The following SPAG16 variants were observed in gnomAD, a reference collection of about 807,000 sequenced individuals.
SPAG16 encodes the protein sperm associated antigen 16.
A neutral mutation model predicts 80.4 loss-of-function variants in SPAG16; 86 were observed. That is an observed-to-expected ratio of 1.07 (90% CI 0.90 to 1.28). The LOEUF (loss-of-function observed/expected upper bound fraction) is 1.28, where lower values mean the gene tolerates loss of function less well. Among genes scored for constraint, SPAG16 ranks in the 50% most tolerant of loss-of-function variants. The pLI, the probability that SPAG16 is intolerant of heterozygous loss-of-function variation, is 0.00. For missense variants in SPAG16, 870 were observed against 765.3 expected (o/e 1.14, Z -1.61); for synonymous variants, 294 against 265.9 (o/e 1.11, Z -1.03).
intron 1 of SPAG16, among the ~76,000 whole-genome samples, chr2:213,286,237 T>G (rs2062052792): frequency 6.6e-6 from 1 of 152,214 alleles, no homozygotes. Flanking sequence ...CTAACCGTTG[T>G]GTGAATTATC....
chr2:213,656,895 C>A (rs958896909), intron 10 of SPAG16, among the ~76,000 whole-genome samples: 2 of 152,056 alleles, frequency 1.3e-5, no homozygotes, highest in African/African-American at 4.8e-5. Flanking sequence ...GAATCTGTTC[C>A]ATATCAAAGA....
intron 15 of SPAG16, chr2:214,311,580 C>T (rs912338491): frequency 6.6e-6 from 1 of 151,840 alleles, no homozygotes; most frequent in African/African-American, 2.4e-5. Context: ...AGGACTCTAA[C>T]TTCCTCTGGG....
At chr2:214,125,286 A>AT (rs2054418259) in intron 14 of SPAG16, among the ~76,000 whole-genome samples, 2 of 151,530 alleles carry the variant, frequency 1.3e-5, no homozygotes, top group African/African-American at 4.8e-5. Flanking sequence ...GAGGGATAGA[A>AT]TTTTTTTCTA....
At chr2:214,158,418 G>A (rs1225913615) in intron 15 of SPAG16, among the ~76,000 whole-genome samples, 2 of 151,894 alleles carry the variant, frequency 1.3e-5, no homozygotes, top group East Asian at 3.9e-4. Flanking sequence ...GTATTGCTCA[G>A]CAAGACTAAA....
chr2:214,410,202 G>T lies in SPAG16; in HGVS notation c.1783G>T (p.Glu595Ter). 6.2e-7 allele frequency: 1 copy of T among 1,613,688 alleles called. No individual in the cohort carries two copies. The highest frequency in any genetic ancestry group is 2.2e-5 in the East Asian group (1 of 44,866). Residue 595 changes from glutamate to a stop codon, truncating the protein, a stop_gained, in exon 16 of 16, where the codon GAG becomes TAG. Transcript: ENST00000331683. LOFTEE classifies it high-confidence loss of function. ...CCATTTGCTAGATCTTAAATCTGGG[G>T]AGATTCACAAATTGATGGGCCACGA... ...VIHLLDLKSG[E>*]IHKLMGHENE...
chr2:213,533,674 TC>T (rs1185218482), intron 10 of SPAG16, among the ~76,000 whole-genome samples: 2 of 152,150 alleles, frequency 1.3e-5, no homozygotes, highest in Non-Finnish European at 2.9e-5. Flanking sequence ...TATTAATTTT[TC>T]CTCTGAATAT....
intron 12 of SPAG16, among the ~76,000 whole-genome samples, chr2:213,983,140 A>G (rs923542853): frequency 6.6e-6 from 1 of 151,964 alleles, no homozygotes; most frequent in Non-Finnish European, 1.5e-5. Context: ...AAGGGATAAG[A>G]TTATAACTTT....
intron 13 of SPAG16, among the ~76,000 whole-genome samples, chr2:214,016,819 C>A (rs1460518186): frequency 6.6e-6 from 1 of 152,086 alleles, no homozygotes; most frequent in Admixed American, 6.6e-5. Context: ...ACAGTTGACT[C>A]TATAAGAAAA....
intron 12 of SPAG16, among the ~76,000 whole-genome samples, chr2:213,958,372 C>T (rs1441982754): frequency 3.9e-5 from 6 of 152,078 alleles, no homozygotes; most frequent in African/African-American, 9.7e-5. Flanking sequence ...GTATAAACTC[C>T]TCCCAGTTCC....
At chr2:213,304,811 C>T (rs906116512) in intron 3 of SPAG16, among the ~76,000 whole-genome samples, 13 of 152,050 alleles carry the variant, frequency 8.5e-5, no homozygotes, top group African/African-American at 1.4e-4. Context: ...TAATGTGATT[C>T]GTGCAGTTTC....
chr2:214,161,383 C>T (rs1280474823), intron 15 of SPAG16, among the ~76,000 whole-genome samples: 1 of 152,176 alleles, frequency 6.6e-6, no homozygotes, highest in Non-Finnish European at 1.5e-5. Flanking sequence ...TCCACATCAT[C>T]TTCCACAATG....
At chr2:214,351,299 T>C (rs994340001) in intron 15 of SPAG16, among the ~76,000 whole-genome samples, 16 of 152,154 alleles carry the variant, frequency 1.1e-4, no homozygotes, top group Non-Finnish European at 2.2e-4. Context: ...GTAGGATCAC[T>C]TCTGTCATAT....
chr2:213,913,002 A>G (rs1045746920), intron 11 of SPAG16, among the ~76,000 whole-genome samples: 2 of 152,108 alleles, frequency 1.3e-5, no homozygotes, highest in Non-Finnish European at 1.5e-5. Flanking sequence ...CAATCAATCA[A>G]CCTGAACATT....
At chr2:213,990,916 T>C (rs932396337) in intron 12 of SPAG16, among the ~76,000 whole-genome samples, 2 of 152,158 alleles carry the variant, frequency 1.3e-5, no homozygotes, top group African/African-American at 4.8e-5. Flanking sequence ...ACTTGACTGA[T>C]GGAAACAGCA....
At chr2:213,390,973 C>A (rs1353081047) in intron 9 of SPAG16, among the ~76,000 whole-genome samples, 1 of 152,032 alleles carries the variant, frequency 6.6e-6, no homozygotes, top group African/African-American at 2.4e-5. Flanking sequence ...TCCTTTTGAT[C>A]TTTAGAAATT....
chr2:214,004,633 T>G (rs2046946160), intron 12 of SPAG16, among the ~76,000 whole-genome samples: 1 of 152,082 alleles, frequency 6.6e-6, no homozygotes, highest in Non-Finnish European at 1.5e-5. Flanking sequence ...TGTCCGCGGC[T>G]TATCATCAGG....
At chr2:214,324,338 A>T (rs1000064198) in intron 15 of SPAG16, among the ~76,000 whole-genome samples, 1 of 152,200 alleles carries the variant, frequency 6.6e-6, no homozygotes, top group Non-Finnish European at 1.5e-5. Context: ...TAGTATTTCA[A>T]TATTGATGCA....
At chr2:213,456,823 T>G (rs1209850145) in intron 9 of SPAG16, among the ~76,000 whole-genome samples, 1 of 152,136 alleles carries the variant, frequency 6.6e-6, no homozygotes, top group East Asian at 1.9e-4. Context: ...ATTAATTGTT[T>G]TATTTTAATT....
At chr2:213,933,860 TA>T (rs2078877853) in intron 12 of SPAG16, among the ~76,000 whole-genome samples, 2 of 152,196 alleles carry the variant, frequency 1.3e-5, no homozygotes, top group South Asian at 4.1e-4. Context: ...GCAACTATAT[TA>T]GAAACCTACC....
Sources: gnomAD v4.1 joint callset for allele counts (sites outside exome capture counted in the v4.1 genomes callset) on GRCh38, gnomAD v4.1.1 for gene constraint, MANE v1.5 for transcripts, NCBI Gene and HGNC (gene_info 2026-07-23, HGNC 2026-07-21) for gene names.